ADCY2: variants seen among roughly 807,000 people sequenced by gnomAD.
ADCY2 encodes adenylate cyclase type 2.
Under a neutral mutation model 125.2 loss-of-function variants are expected in ADCY2, and 31 were observed. The ratio of observed to expected loss-of-function variants is 0.25; its 90% CI spans 0.19 to 0.33. The LOEUF is 0.33. Among genes scored for constraint, ADCY2 ranks in the 10% least tolerant of loss-of-function variants. The pLI is 1.00. For synonymous variants in ADCY2, 512 were observed against 548.4 expected (o/e 0.93, Z 0.93); for missense variants, 904 against 1,418.2 (o/e 0.64, Z 5.82).
At chr5:7,558,764 A>G (rs1735616723) in intron 3 of ADCY2, among the ~76,000 whole-genome samples, 2 of 152,162 alleles carry the variant, frequency 1.3e-5, no homozygotes, top group African/African-American at 2.4e-5. Flanking sequence ...GCCAGTTTCT[A>G]TGGCCAGAAT....
chr5:7,658,437 A>ATT (rs1217968406), intron 4 of ADCY2, among the ~76,000 whole-genome samples: 1 of 101,470 alleles, frequency 9.9e-6, no homozygotes, highest in African/African-American at 3.1e-5. Flanking sequence ...GTGTGTATAT[A>ATT]TATATATATT....
intron 20 of ADCY2, chr5:7,794,299 C>T (rs755171098): frequency 2.0e-5 from 3 of 152,178 alleles, no homozygotes; most frequent in African/African-American, 4.8e-5. Context: ...GTGATGGCTA[C>T]TCTAGCAGCC....
intron 14 of ADCY2, among the ~76,000 whole-genome samples, chr5:7,738,587 A>G (rs1033137612): frequency 6.6e-6 from 1 of 151,954 alleles, no homozygotes; most frequent in African/African-American, 2.4e-5. Flanking sequence ...ATGGGAAAGG[A>G]CTAAATACTC....
At chr5:7,584,437 T>G (rs1319794025) in intron 3 of ADCY2, among the ~76,000 whole-genome samples, 2 of 152,052 alleles carry the variant, frequency 1.3e-5, no homozygotes, top group Non-Finnish European at 2.9e-5. Flanking sequence ...GCATAAATAC[T>G]CAGGTATAAT....
chr5:7,507,461 A>AAAAAAAAT lies in ADCY2; in HGVS notation c.409-13277_409-13276insAAAAAAAT, dbSNP rs374187517. Among the ~76,000 whole-genome samples, 208 of 114,082 alleles carry AAAAAAAAT rather than the reference A, an allele frequency of 1.8e-3. 19 individuals are homozygous for AAAAAAAAT. Among genetic ancestry groups the AAAAAAAAT allele is most frequent in the African/African-American group, 6.6e-3 (199 of 30,090 alleles). 74.8% of individuals were successfully genotyped at this position (114,082 alleles called of 152,430 possible). The stretch of plus-strand genomic sequence containing the variant: ...GTCTCAAAAAAAAAAAAAAAAAAAA[A>AAAAAAAAT]GGTAACAAAGCCACTTTTGTAAAAA... On this transcript the variant is annotated intron_variant, in intron 2 of 24. Coordinates refer to ENST00000338316, the MANE Select transcript of ADCY2 (RefSeq NM_020546.3).
chr5:7,555,948 T>G (rs894263673), intron 3 of ADCY2, among the ~76,000 whole-genome samples: 2 of 151,880 alleles, frequency 1.3e-5, no homozygotes, highest in African/African-American at 2.4e-5. Flanking sequence ...TTGCATTGTA[T>G]CTCATGTGAT....
chr5:7,695,430 A>G (rs1740856944), intron 5 of ADCY2, among the ~76,000 whole-genome samples: 1 of 152,226 alleles, frequency 6.6e-6, no homozygotes, highest in Non-Finnish European at 1.5e-5. Context: ...GCAGATAGGA[A>G]GGACTCCAGA....
chr5:7,650,523 G>T (rs551880452), intron 4 of ADCY2, among the ~76,000 whole-genome samples: 3 of 152,122 alleles, frequency 2.0e-5, no homozygotes, highest in Non-Finnish European at 4.4e-5. Flanking sequence ...AGTAGCAGAA[G>T]TGCACCTCCA....
chr5:7,774,458 C>T (rs778758308), intron 18 of ADCY2, among the ~76,000 whole-genome samples: 24 of 152,156 alleles, frequency 1.6e-4, no homozygotes, highest in Non-Finnish European at 2.6e-4. Flanking sequence ...GATTTTCACG[C>T]GCAGCTGATA....
chr5:7,542,398 A>G (rs904105089), intron 3 of ADCY2, among the ~76,000 whole-genome samples: 1 of 152,166 alleles, frequency 6.6e-6, no homozygotes, highest in Non-Finnish European at 1.5e-5. Context: ...CCATTGAGCC[A>G]TTGCCAGTGT....
intron 2 of ADCY2, among the ~76,000 whole-genome samples, chr5:7,420,260 C>T (rs1740142812): frequency 6.6e-6 from 1 of 152,108 alleles, no homozygotes; most frequent in African/African-American, 2.4e-5. Flanking sequence ...CTCTGTAATG[C>T]CTTTTAAATA....
At chr5:7,766,983 G>C (rs73737625) in intron 17 of ADCY2, among the ~76,000 whole-genome samples, 177 bp downstream of exon 17, 21 of 152,246 alleles carry the variant, frequency 1.4e-4, no homozygotes, top group African/African-American at 4.8e-4. Context: ...GGGCCCTTGG[G>C]AACTGGCTAC....
intron 22 of ADCY2, among the ~76,000 whole-genome samples, chr5:7,809,833 A>G (rs983935900): frequency 6.6e-6 from 1 of 152,240 alleles, no homozygotes; most frequent in African/African-American, 2.4e-5. Flanking sequence ...AGCTTAAGTC[A>G]ACAATGTGGC....
At chr5:7,497,730 T>G (rs1579504878) in intron 2 of ADCY2, among the ~76,000 whole-genome samples, 2 of 151,830 alleles carry the variant, frequency 1.3e-5, no homozygotes, top group African/African-American at 4.8e-5. Context: ...AGGAAGAAAT[T>G]GCACCGAAAA....
intron 2 of ADCY2, among the ~76,000 whole-genome samples, chr5:7,520,082 G>A (rs1464973637): frequency 6.6e-6 from 1 of 152,102 alleles, no homozygotes; most frequent in African/African-American, 2.4e-5. Context: ...TCCACCTTGG[G>A]GTTGTTTGCT....
intron 24 of ADCY2, 26 bp downstream of exon 24, chr5:7,820,715 C>T: frequency 6.2e-7 from 1 of 1,604,278 alleles, no homozygotes; most frequent in Non-Finnish European, 8.5e-7. Context: ...GTCTGCGCTG[C>T]CTGCATCAAC....
At chr5:7,576,350 G>A (rs889518492) in intron 3 of ADCY2, among the ~76,000 whole-genome samples, 2 of 152,206 alleles carry the variant, frequency 1.3e-5, no homozygotes, top group South Asian at 2.1e-4. Context: ...GTAGGTGAAC[G>A]GGCAGAGGCC....
At chr5:7,573,593 C>CTTTTTTTTTT (rs763347773) in intron 3 of ADCY2, among the ~76,000 whole-genome samples, 10 of 86,374 alleles carry the variant, frequency 1.2e-4, no homozygotes, top group Non-Finnish European at 1.9e-4. Context: ...GGTTGATTTT[C>CTTTTTTTTTT]TTTTTTTTTT....
chr5:7,487,814 G>A (rs1197890325), intron 2 of ADCY2, among the ~76,000 whole-genome samples: 1 of 152,114 alleles, frequency 6.6e-6, no homozygotes, highest in Non-Finnish European at 1.5e-5. Flanking sequence ...GTACTTTTGA[G>A]TCATCATCTA....
Sources: gnomAD v4.1 joint callset for allele counts (sites outside exome capture counted in the v4.1 genomes callset) on GRCh38, gnomAD v4.1.1 for gene constraint, MANE v1.5 for transcripts, NCBI Gene and HGNC (gene_info 2026-07-23, HGNC 2026-07-21) for gene names.